The following CHN2 variants were observed in gnomAD, a reference collection of about 807,000 sequenced individuals.
CHN2 encodes beta-chimaerin.
Under a neutral mutation model 56.3 loss-of-function variants are expected in CHN2, and 35 were observed. That is an observed-to-expected ratio of 0.62 (90% CI 0.47 to 0.82). CHN2 has a LOEUF of 0.82. Ranked by LOEUF, CHN2 falls within the 40% of genes least tolerant of loss-of-function variation. The probability of loss-of-function intolerance (pLI) is 0.00; values close to 1 mark genes in which losing one functional copy is unlikely to be tolerated. For synonymous variants in CHN2, 210 were observed against 212.8 expected, an observed-to-expected ratio of 0.99 and a Z score of 0.12; for missense variants, 491 against 580.5, an observed-to-expected ratio of 0.85 and a Z score of 1.58.
chr7:29,302,940 A>G (rs1245723770), intron 1 of CHN2, among the ~76,000 whole-genome samples: 3 of 152,176 alleles, frequency 2.0e-5, no homozygotes, highest in South Asian at 2.1e-4. Flanking sequence ...TCCTCTTTCA[A>G]GCTAAGTACT....
At chr7:29,180,776 G>T (rs35464056) in intron 2 of CHN2, among the ~76,000 whole-genome samples, 17,938 of 152,160 alleles carry the variant, frequency 0.12, 1,242 homozygotes, top group African/African-American at 0.18. Flanking sequence ...TTAGAGCTGG[G>T]TTCAAATCCA....
intron 1 of CHN2, among the ~76,000 whole-genome samples, chr7:29,205,778 G>C (rs1321701433): frequency 6.6e-6 from 1 of 152,004 alleles, no homozygotes; most frequent in Non-Finnish European, 1.5e-5. Flanking sequence ...GAACACCACT[G>C]TTTATACTTT....
intron 1 of CHN2, among the ~76,000 whole-genome samples, chr7:29,328,147 G>C (rs553315600): frequency 6.6e-6 from 1 of 152,222 alleles, no homozygotes; most frequent in South Asian, 2.1e-4. Context: ...TTTCTGCTCG[G>C]CCTTGTAACA....
intron 1 of CHN2, among the ~76,000 whole-genome samples, chr7:29,277,382 T>G (rs1791320132): frequency 6.6e-6 from 1 of 152,174 alleles, no homozygotes; most frequent in South Asian, 2.1e-4. Flanking sequence ...GTCAAGCCCA[T>G]ACTGGCATGA....
intron 1 of CHN2, among the ~76,000 whole-genome samples, chr7:29,300,277 G>A (rs1271241947): frequency 1.3e-5 from 2 of 152,172 alleles, no homozygotes; most frequent in African/African-American, 2.4e-5. Flanking sequence ...AGGTGTTGAA[G>A]CCTTCAGGGC....
chr7:29,220,090 T>A (rs71210560), intron 1 of CHN2, among the ~76,000 whole-genome samples: 19,887 of 140,242 alleles, frequency 0.14, 1,647 homozygotes, highest in Non-Finnish European at 0.19. Flanking sequence ...AATAAAAAAA[T>A]TTAAAAAAAA....
chr7:29,435,894 C>CTTTTT (rs57786505), intron 6 of CHN2, among the ~76,000 whole-genome samples: 21 of 137,420 alleles, frequency 1.5e-4, no homozygotes, highest in African/African-American at 2.9e-4. Context: ...GAAGCGCCTC[C>CTTTTT]TTTTTTTTTT....
intron 10 of CHN2, among the ~76,000 whole-genome samples, chr7:29,506,678 T>G (rs1034991234): frequency 1.3e-5 from 2 of 152,006 alleles, no homozygotes; most frequent in Middle Eastern, 3.4e-3. Flanking sequence ...ACATCACATA[T>G]CCAAGAGGAA....
At position 29,514,115 on chromosome 7, in the gene CHN2, G is replaced by A. The variant is rs2128608718; in HGVS notation, c.*1380G>A. The A allele has an allele frequency of 6.5e-6, 1 of 152,696 alleles. No homozygotes were observed. The highest frequency in any genetic ancestry group is 2.1e-4 in the South Asian group (1 of 4,814). 9.5% of individuals were successfully genotyped at this position (152,696 alleles called of 1,614,324 possible). On this transcript the variant is annotated 3_prime_UTR_variant, in exon 13 of 13. Coordinates refer to ENST00000222792, the MANE Select transcript of CHN2 (RefSeq NM_004067.4). ...GGACAGTCCCAAGGGCTATGCAGAT[G>A]GACTCCATTGGCACAGGGAGGTTTG...
At chr7:29,188,914 A>T (rs1028625902) in intron 2 of CHN2, among the ~76,000 whole-genome samples, 3 of 150,578 alleles carry the variant, frequency 2.0e-5, no homozygotes, top group East Asian at 1.9e-4. Context: ...GTTTTGTAGG[A>T]TCCCCCACAG....
In CHN2 at chr7:29,506,556, G is replaced by A. The variant is rs181355617; in HGVS notation, c.992-672G>A. On this transcript the variant is annotated intron_variant, in intron 10 of 12. Coordinates refer to ENST00000222792, the MANE Select transcript of CHN2 (RefSeq NM_004067.4). ...GGAGGCTGAGGCACGAGAATTGCTT[G>A]AACCCAGGAGGTGGAGGTTGCAGTG... Among the ~76,000 whole-genome samples the A allele has an allele frequency of 4.6e-3, 697 of 152,252 alleles. 4 individuals carry two copies. Among genetic ancestry groups the A allele is most frequent in the Non-Finnish European group, 7.6e-3 (517 of 68,012 alleles).
chr7:29,259,173 C>G (rs1357730816), intron 1 of CHN2, among the ~76,000 whole-genome samples: 1 of 151,982 alleles, frequency 6.6e-6, no homozygotes, highest in African/African-American at 2.4e-5. Context: ...GCAAAAAATA[C>G]AAAAATTAGC....
chr7:29,395,430 G>A (rs1456323245), intron 4 of CHN2, among the ~76,000 whole-genome samples: 1 of 152,164 alleles, frequency 6.6e-6, no homozygotes, highest in East Asian at 1.9e-4. Context: ...CCACAGGTGG[G>A]AGGTGGGAGG....
chr7:29,273,624 A>T (rs1278495924), intron 1 of CHN2, among the ~76,000 whole-genome samples: 2 of 151,790 alleles, frequency 1.3e-5, no homozygotes, highest in Non-Finnish European at 2.9e-5. Context: ...GTACCAGTCT[A>T]CATTCCCCCC....
At chr7:29,511,952 C>CTGTAGACCTCATCCT (rs1429858479) in intron 12 of CHN2, among the ~76,000 whole-genome samples, 1 of 152,044 alleles carries the variant, frequency 6.6e-6, no homozygotes, top group Non-Finnish European at 1.5e-5. Flanking sequence ...ATTTCAACTG[C>CTGTAGACCTCATCCT]TGTAGACCTC....
chr7:29,504,870 C>A, intron 10 of CHN2, 49 bp downstream of exon 10: 1 of 1,298,362 alleles, frequency 7.7e-7, no homozygotes, highest in Non-Finnish European at 1.1e-6. Context: ...ACACCCTTCT[C>A]GATTGGAAGT....
intron 6 of CHN2, among the ~76,000 whole-genome samples, chr7:29,439,808 A>G (rs146436381): frequency 1.3e-4 from 20 of 152,362 alleles, no homozygotes; most frequent in African/African-American, 3.8e-4. Flanking sequence ...TTAAAGCCAC[A>G]CTAACAGTAA....
At chr7:29,391,925 C>T (rs892208286) in intron 3 of CHN2, among the ~76,000 whole-genome samples, 1 of 152,148 alleles carries the variant, frequency 6.6e-6, no homozygotes, top group African/African-American at 2.4e-5. Context: ...ACCTGCATGC[C>T]AAGAGTTAGT....
chr7:29,261,883 G>A (rs2128832181), intron 1 of CHN2, among the ~76,000 whole-genome samples: 1 of 152,270 alleles, frequency 6.6e-6, no homozygotes, highest in East Asian at 1.9e-4. Context: ...AAAGTAAGTG[G>A]TGCACCAGGC....
Sources: allele counts gnomAD v4.1 joint callset (sites outside exome capture counted in the v4.1 genomes callset), GRCh38; gene constraint gnomAD v4.1.1; transcripts MANE v1.5; gene names NCBI Gene and HGNC (gene_info 2026-07-23, HGNC 2026-07-21).